The following DNMBP variants were observed in gnomAD, a reference collection of about 807,000 sequenced individuals.
DNMBP encodes dynamin-binding protein.
DNMBP carries 87 observed loss-of-function variants against 150.0 expected under a neutral mutation model. That is an observed-to-expected ratio of 0.58 (90% confidence interval 0.49 to 0.69). The LOEUF is 0.69. DNMBP is among the 30% of genes least tolerant of loss of function. The pLI is 0.00. For missense variants in DNMBP, 1,774 were observed against 1,949.0 expected (o/e 0.91, Z 1.69); for synonymous variants, 711 against 750.4 (o/e 0.95, Z 0.86).
chr10:99,879,086 A>AAAAAAAAAAAC (rs1437239982), intron 16 of DNMBP, among the ~76,000 whole-genome samples: 2 of 147,552 alleles, frequency 1.4e-5, no homozygotes, highest in Non-Finnish European at 3.0e-5. Context: ...CTCTGTCTCA[A>AAAAAAAAAAAC]AAAAAAAAAA....
intron 12 of DNMBP, 139 bp from the exon 13 acceptor site, chr10:99,886,771 T>A: frequency 1.4e-6 from 1 of 698,032 alleles, no homozygotes; most frequent in Non-Finnish European, 2.4e-6. Flanking sequence ...CCCATACAGA[T>A]CTACAACAGT....
chr10:99,886,672 A>T, intron 12 of DNMBP, 40 bp from the exon 13 acceptor site: 2 of 1,569,676 alleles, frequency 1.3e-6, no homozygotes, highest in Non-Finnish European at 1.7e-6. Context: ...GCTGGACAGC[A>T]TCCCACATTT....
rs374649603 is a variant in DNMBP, at chr10:99,926,773, A to G, written c.2261-17627T>C. Among the ~76,000 whole-genome samples, 56 of 152,156 alleles carry G rather than the reference A, an allele frequency of 3.7e-4. 1 individual carries two copies. Among genetic ancestry groups the G allele is most frequent in the African/African-American group, 1.2e-3 (50 of 41,436 alleles). ...TGTGCATGCAGGTGATGAGACTCCAAGGAACCCCGTGGAAAGCTGGAGGCC... is the reference window on the plus strand; with the variant it reads ...TGTGCATGCAGGTGATGAGACTCCAGGGAACCCCGTGGAAAGCTGGAGGCC... On this transcript the variant is annotated intron_variant, in intron 4 of 16. Coordinates refer to ENST00000324109, the MANE Select transcript of DNMBP (RefSeq NM_015221.4).
chr10:99,896,042 G>C (rs374011516), intron 10 of DNMBP, among the ~76,000 whole-genome samples: 10 of 152,122 alleles, frequency 6.6e-5, no homozygotes, highest in African/African-American at 9.7e-5. Flanking sequence ...TCAATTATAA[G>C]CTCCTTAGAG....
chr10:99,930,240 T>G (rs911269881), intron 4 of DNMBP: 13 of 702,824 alleles, frequency 1.8e-5, no homozygotes, highest in Non-Finnish European at 3.4e-5. Context: ...ATACCACAAC[T>G]GAGGTTGACC....
chr10:99,904,539 T>C (rs2039795995), intron 6 of DNMBP, among the ~76,000 whole-genome samples: 2 of 152,160 alleles, frequency 1.3e-5, no homozygotes, highest in Admixed American at 6.5e-5. Context: ...TCATTTGTTC[T>C]TTGTGAATCC....
intron 6 of DNMBP, among the ~76,000 whole-genome samples, chr10:99,906,730 C>T (rs1459174843): frequency 6.6e-6 from 1 of 152,138 alleles, no homozygotes; most frequent in Non-Finnish European, 1.5e-5. Context: ...GATCCCTGAG[C>T]CCCAGATGAT....
At position 99,930,495 on chromosome 10, in the gene DNMBP, C is replaced by T. The variant is rs1317637376; in HGVS notation, c.2261-21349G>A. 37 of 702,998 alleles carry T rather than the reference C, an allele frequency of 5.3e-5. 1 individual carries two copies. Among genetic ancestry groups the T allele is most frequent in the South Asian group, 5.2e-4 (35 of 67,596 alleles). 43.5% of individuals were successfully genotyped at this position (702,998 alleles called of 1,614,324 possible). ...ATCATGACCTCCGTGGTACACACAG[C>T]CCTTTCCACTTTCATGTGCTTCCCC... On this transcript the variant is annotated intron_variant, in intron 4 of 16. Coordinates refer to ENST00000324109, the MANE Select transcript of DNMBP (RefSeq NM_015221.4).
At chr10:99,896,210 A>G in intron 10 of DNMBP, 57 bp downstream of exon 10, 1 of 1,589,214 alleles carries the variant, frequency 6.3e-7, no homozygotes, top group Non-Finnish European at 8.6e-7. Context: ...AGGCTGTCTC[A>G]TGGAGCCCTG....
chr10:99,992,920 T>C (rs1422971081), intron 1 of DNMBP, among the ~76,000 whole-genome samples: 1 of 152,160 alleles, frequency 6.6e-6, no homozygotes, highest in East Asian at 1.9e-4. Flanking sequence ...GGTGTGCAAC[T>C]GTAGCCCCAG....
intron 4 of DNMBP, among the ~76,000 whole-genome samples, chr10:99,926,822 T>G (rs2040083556): frequency 6.6e-6 from 1 of 152,112 alleles, no homozygotes; most frequent in Non-Finnish European, 1.5e-5. Context: ...AGATAGATCT[T>G]CACCAACTGT....
At chr10:100,006,966 T>A (rs1205116556) in intron 1 of DNMBP, among the ~76,000 whole-genome samples, 1 of 151,842 alleles carries the variant, frequency 6.6e-6, no homozygotes, top group Non-Finnish European at 1.5e-5. Context: ...ATACAAACAT[T>A]GGCCCAGCGT....
At chr10:99,962,128 T>C (rs1041328672) in intron 3 of DNMBP, among the ~76,000 whole-genome samples, 8 of 152,178 alleles carry the variant, frequency 5.3e-5, no homozygotes, top group African/African-American at 1.2e-4. Flanking sequence ...AAAGAAATTA[T>C]TGTCTATATC....
chr10:100,005,475 C>G (rs561789056), intron 1 of DNMBP, among the ~76,000 whole-genome samples: 10 of 152,184 alleles, frequency 6.6e-5, no homozygotes, highest in Admixed American at 5.9e-4. Context: ...ACTCAGAGAC[C>G]TGGCATGGTG....
intron 3 of DNMBP, among the ~76,000 whole-genome samples, chr10:99,960,852 C>T (rs1349188928): frequency 6.7e-6 from 1 of 148,592 alleles, no homozygotes; most frequent in African/African-American, 2.5e-5. Context: ...GTGGCTATTG[C>T]CTGTAGTCTC....
intron 3 of DNMBP, among the ~76,000 whole-genome samples, chr10:99,963,948 GC>G (rs1417301660): frequency 6.6e-6 from 1 of 152,014 alleles, no homozygotes; most frequent in Middle Eastern, 3.2e-3. Flanking sequence ...TAACACATGT[GC>G]TTTGACTGAT....
In DNMBP at chr10:99,930,693, T is replaced by A. The variant is rs557665517; in HGVS notation, c.2261-21547A>T. ...CCGTACACTCCCGTAGTCTTCATAC[T>A]CCCAGCTGGAGTCCCAGTGCCTTTT... is the stretch of plus-strand genomic sequence containing the variant. On this transcript the variant is annotated intron_variant, in intron 4 of 16. Transcript: ENST00000324109. The A allele has an allele frequency of 5.7e-5, 40 of 700,374 alleles. No homozygotes were observed. In the South Asian group the frequency reaches 6.0e-4, roughly 10 times the overall value. 43.4% of individuals were successfully genotyped at this position (700,374 alleles called of 1,614,324 possible).
chr10:99,902,303 CTTTTTTTTTTTT>C lies in DNMBP; in HGVS notation c.2555-2249_2555-2238del, dbSNP rs34120125. Among the ~76,000 whole-genome samples the C allele has an allele frequency of 7.1e-3, 589 of 82,796 alleles. 8 individuals are homozygous for C. Among genetic ancestry groups the C allele is most frequent in the African/African-American group, 0.023 (550 of 23,588 alleles). 54.3% of individuals were successfully genotyped at this position (82,796 alleles called of 152,430 possible). Reference sequence around the variant, plus strand: ...CCCTTTCTCACTGGAAGCCTCCCTTCTTTTTTTTTTTTTTTTTTTTTTTTGAGATGGAGTCTC... The same window carrying C: ...CCCTTTCTCACTGGAAGCCTCCCTTCTTTTTTTTTTTTGAGATGGAGTCTC... On this transcript the variant is annotated intron_variant, in intron 6 of 16. Coordinates refer to ENST00000324109, the MANE Select transcript of DNMBP (RefSeq NM_015221.4).
At chr10:99,985,129 G>C (rs1341276266) in intron 1 of DNMBP, among the ~76,000 whole-genome samples, 1 of 152,110 alleles carries the variant, frequency 6.6e-6, no homozygotes, top group Non-Finnish European at 1.5e-5. Context: ...TTCTGAGGAA[G>C]AAAAATTGGG....
Sources: allele counts gnomAD v4.1 joint callset (sites outside exome capture counted in the v4.1 genomes callset), GRCh38; gene constraint gnomAD v4.1.1; transcripts MANE v1.5; gene names NCBI Gene and HGNC (gene_info 2026-07-23, HGNC 2026-07-21).